Variants in TTBK1 observed in about 807,000 individuals in gnomAD.
The protein encoded by TTBK1 is tau tubulin kinase 1, also known as tau-tubulin kinase 1.
In TTBK1, 34 loss-of-function variants were observed where a neutral mutation model predicts 108.5. That is an observed-to-expected ratio of 0.31 (90% CI 0.24 to 0.42). The LOEUF (loss-of-function observed/expected upper bound fraction) is 0.42. TTBK1 is among the 10% of genes least tolerant of loss of function. TTBK1 has a pLI of 1.00. For missense variants in TTBK1, 1,539 were observed against 1,826.0 expected (o/e 0.84, Z 2.86); for synonymous variants, 809 against 795.1 (o/e 1.02, Z -0.29).
intron 9 of TTBK1, among the ~76,000 whole-genome samples, 159 bp downstream of exon 9, chr6:43,256,015 A>G (rs2150688478): frequency 6.6e-6 from 1 of 152,248 alleles, no homozygotes; most frequent in Non-Finnish European, 1.5e-5. Flanking sequence ...TGCTCTTGTA[A>G]ACTAGTCACA....
At chr6:43,279,364 G>A (rs1464448550) in intron 13 of TTBK1, among the ~76,000 whole-genome samples, 11 of 152,226 alleles carry the variant, frequency 7.2e-5, no homozygotes, top group Admixed American at 7.2e-4. Context: ...AATAGGTAAA[G>A]GTTCTGAGGA....
rs1777418884 is a variant in TTBK1 at position 43,257,801 on chromosome 6, AC to A, written c.862-6del. ...ACCTCTCTGTCCTCCCATCACCCTC[AC>A]CCCCTGCAGTTGATCATGTCAGTGT... On this transcript the variant is annotated splice_polypyrimidine_tract_variant and intron_variant, in intron 9 of 14. Transcript: ENST00000259750. This position sits in a 1 kb window ranked among gnomAD's most constrained non-coding sequence, Gnocchi z 4.5. The A allele has an allele frequency of 6.2e-7, 1 of 1,609,232 alleles. No individual in the cohort carries two copies. Among genetic ancestry groups the A allele is most frequent in the South Asian group, 1.1e-5 (1 of 90,648 alleles).
Position 43,246,614 on chromosome 6 carries a change from G to T in TTBK1, c.-47G>T, listed in dbSNP as rs965154774. The T allele has an allele frequency of 1.0e-5, 15 of 1,487,378 alleles. No homozygotes were observed. Among genetic ancestry groups the T allele is most frequent in the Non-Finnish European group, 1.4e-5 (15 of 1,089,318 alleles). 92.1% of individuals were successfully genotyped at this position (1,487,378 alleles called of 1,614,324 possible). ...CCCTCCTCACTCCCCTAGGTAGATG[G>T]CCCCCTCAGGGCAGGCCCGGCGGAC... On this transcript the variant is annotated 5_prime_UTR_variant, in exon 2 of 15. Coordinates refer to ENST00000259750, the MANE Select transcript of TTBK1 (RefSeq NM_032538.3).
chr6:43,253,300 A>G lies in TTBK1; in HGVS notation c.266A>G (p.His89Arg). ...TGTCTGTGCCCCTCAGGGAAGGACC[A>G]TGTGTGCAGGTTCATTGGCTGTGGC... ...AVLKKLQGKDHVCRFIGCGRN... is the reference protein window; with the variant it reads ...AVLKKLQGKDRVCRFIGCGRN... Residue 89 changes from histidine (H) to arginine (R), a missense_variant, in exon 4 of 15, where the codon CAT becomes CGT. Transcript: ENST00000259750. The surrounding 1 kb of genome is among the most constrained non-coding windows in gnomAD (Gnocchi z 5.8). The G allele has an allele frequency of 6.2e-7, 1 of 1,614,144 alleles. No homozygotes were observed. Among genetic ancestry groups the G allele is most frequent in the Non-Finnish European group, 8.5e-7 (1 of 1,180,010 alleles).
rs536324355 is a variant in TTBK1 at position 43,282,741 on chromosome 6, G to T, written c.2001G>T (p.Ala667=). Residue 667 remains alanine (A), a synonymous_variant, in exon 14 of 15, where the codon GCG becomes GCT. Coordinates refer to ENST00000259750, the MANE Select transcript of TTBK1 (RefSeq NM_032538.3). This position sits in a 1 kb window ranked among gnomAD's most constrained non-coding sequence, Gnocchi z 5.4. ...GCCCCTTGCAGGTGTTCTCCGTGGC[G>T]CCCCCATTTGAGGTGAATGGCCTCC... ...TGPQRQVFSV[A]PPFEVNGLPR... 1.2e-6 allele frequency: 2 copies of T among 1,604,426 alleles called. No homozygotes were observed. The highest frequency in any genetic ancestry group is 2.2e-5 in the East Asian group (1 of 44,796).
In TTBK1 at chr6:43,285,280, G is replaced by C. The variant is rs923612889; in HGVS notation, c.3870G>C (p.Gly1290=). 30 of 1,292,376 alleles carry C rather than the reference G, an allele frequency of 2.3e-5. No individual in the cohort carries two copies. Among genetic ancestry groups the C allele is most frequent in the Admixed American group, 4.2e-5 (1 of 23,810 alleles). 80.1% of individuals were successfully genotyped at this position (1,292,376 alleles called of 1,614,324 possible). Residue 1290 remains glycine (G), a synonymous_variant, in exon 15 of 15, where the codon GGG becomes GGC. Transcript: ENST00000259750. This position sits in a 1 kb window ranked among gnomAD's most constrained non-coding sequence, Gnocchi z 4.7. ...RAQPDGTPSP[G]GSKKGPRGKL... ...AGCCTGATGGCACCCCCTCCCCCGG[G>C]GGCTCCAAGAAAGGACCCAGAGGGA...
At chr6:43,254,131 A>C (rs975642258) in intron 5 of TTBK1, among the ~76,000 whole-genome samples, 4 of 152,198 alleles carry the variant, frequency 2.6e-5, no homozygotes, top group Admixed American at 2.6e-4. Flanking sequence ...CTCCAACTTA[A>C]AGAGATGAAA....
In TTBK1 at chr6:43,257,983, C is replaced by T. The variant is rs201398491; in HGVS notation, c.1016+17C>T. The stretch of plus-strand genomic sequence containing the variant: ...CATGTTTGGGTGAGTCTCAGGAAGG[C>T]GAGCCACCAGCCCCTGCCTGGAGCT... On this transcript the variant is annotated intron_variant, in intron 10 of 14. Transcript: ENST00000259750. The surrounding 1 kb of genome is among the most constrained non-coding windows in gnomAD (Gnocchi z 4.5). 14 of 1,607,040 alleles carry T rather than the reference C, an allele frequency of 8.7e-6. No individual in the cohort carries two copies. The highest frequency in any genetic ancestry group is 3.3e-5 in the Admixed American group (2 of 59,782).
At position 43,257,669 on chromosome 6, in the gene TTBK1, C is replaced by T. The variant is rs1362263854; in HGVS notation, c.862-143C>T. ...ATGTTTTCATTTAAAATCAATGTGC[C>T]GTTCTCCTTCCAATGCCCCCTCCAG... On this transcript the variant is annotated intron_variant, in intron 9 of 14. Coordinates refer to ENST00000259750, the MANE Select transcript of TTBK1 (RefSeq NM_032538.3). This position sits in a 1 kb window ranked among gnomAD's most constrained non-coding sequence, Gnocchi z 4.5. 7.1e-6 allele frequency: 5 copies of T among 703,056 alleles called. No homozygotes were observed. In the Admixed American group the frequency reaches 8.0e-5, roughly 11 times the overall value. The allele number at this position is 703,056 out of a possible 1,614,324, so 43.6% of individuals were successfully genotyped here. A position where few individuals can be genotyped will look rare whatever the true frequency, so the allele number is the denominator to read the frequency against.
chr6:43,271,428 G>A (rs2756185), intron 13 of TTBK1: 78,577 of 985,340 alleles, frequency 0.08, 3,437 homozygotes, highest in East Asian at 0.19. Flanking sequence ...TGCTGTATGA[G>A]TGTGTGTATG....
chr6:43,269,496 T>C lies in TTBK1; in HGVS notation c.1986+6146T>C, dbSNP rs973769086. 3 of 857,154 alleles carry C rather than the reference T, an allele frequency of 3.5e-6. No homozygotes were observed. In the African/African-American group the frequency reaches 5.3e-5, roughly 15 times the overall value. The allele number at this position is 857,154 out of a possible 1,614,324, so 53.1% of individuals were successfully genotyped here. A position where few individuals can be genotyped will look rare whatever the true frequency, so the allele number is the denominator to read the frequency against. ...AGGCAGGACCTTGGGGCGGGTGGTT[T>C]GCACCCTCCTCCACCCTGCCTGACC... On this transcript the variant is annotated intron_variant, in intron 13 of 14. Transcript: ENST00000259750. This position sits in a 1 kb window ranked among gnomAD's most constrained non-coding sequence, Gnocchi z 4.8.
rs1778227468 is a variant in TTBK1, at chr6:43,283,053, G to C, written c.2313G>C (p.Glu771Asp). 1 of 1,588,628 alleles carries C rather than the reference G, an allele frequency of 6.3e-7. No homozygotes were observed. The highest frequency in any genetic ancestry group is 1.8e-5 in the Admixed American group (1 of 55,334). ...EEEEEEEEEE[E>D]AAAAVALGEV... ...AGGAGGAGGAGGAAGAGGAGGAGGA[G>C]GCTGCAGCGGCAGTTGCCTTGGGGG... is the stretch of plus-strand genomic sequence containing the variant. Residue 771 changes from glutamate to aspartate, a missense_variant, in exon 14 of 15, where the codon GAG becomes GAC. By Grantham distance (45) the Glu-to-Asp change is conservative. Transcript: ENST00000259750. This position sits in a 1 kb window ranked among gnomAD's most constrained non-coding sequence, Gnocchi z 8.1.
rs902303755 is a variant in TTBK1, at chr6:43,269,167, G to C, written c.1986+5817G>C. On this transcript the variant is annotated intron_variant, in intron 13 of 14. Transcript: ENST00000259750. The surrounding 1 kb of genome is among the most constrained non-coding windows in gnomAD (Gnocchi z 4.8). The stretch of plus-strand genomic sequence containing the variant: ...AACACCTCCCTGTGATGGGGCGGGG[G>C]TGCCAAGGCGGAGGGTGTACAGGGA... Among the ~76,000 whole-genome samples the C allele has an allele frequency of 6.6e-6, 1 of 152,258 alleles. No homozygotes were observed. The highest frequency in any genetic ancestry group is 1.5e-5 in the Non-Finnish European group (1 of 68,050).
rs1778363146 is a variant in TTBK1 at position 43,285,742 on chromosome 6, A to T, written c.*366A>T. The T allele has an allele frequency of 1.2e-5, 2 of 169,954 alleles. No individual in the cohort carries two copies. Among genetic ancestry groups the T allele is most frequent in the African/African-American group, 2.4e-5 (1 of 42,130 alleles). 10.5% of individuals were successfully genotyped at this position (169,954 alleles called of 1,614,324 possible). A position where few individuals can be genotyped will look rare whatever the true frequency, so the allele number is the denominator to read the frequency against. On this transcript the variant is annotated 3_prime_UTR_variant, in exon 15 of 15. Coordinates refer to ENST00000259750, the MANE Select transcript of TTBK1 (RefSeq NM_032538.3). This position sits in a 1 kb window ranked among gnomAD's most constrained non-coding sequence, Gnocchi z 4.7. ...CTGGGGACGCCTGGTTCGTTCGCCC[A>T]CCAGGCCTAGGCTACGCTCCATGCT...
rs1217412595 is a variant in TTBK1 at position 43,276,408 on chromosome 6, C to G, written c.1987-6319C>G. On this transcript the variant is annotated intron_variant, in intron 13 of 14. Transcript: ENST00000259750. This position sits in a 1 kb window ranked among gnomAD's most constrained non-coding sequence, Gnocchi z 5.4. ...CCGGGTAGAAAAGCATGCACTGAGC[C>G]CCCTGCCCCTAGACTGCGAGTACTG... is the stretch of plus-strand genomic sequence containing the variant. Among the ~76,000 whole-genome samples the G allele has an allele frequency of 2.6e-5, 4 of 152,140 alleles. 1 individual carries two copies. The highest frequency in any genetic ancestry group is 6.5e-5 in the Admixed American group (1 of 15,280).
chr6:43,283,053 G>A lies in TTBK1; in HGVS notation c.2313G>A (p.Glu771=). 2 of 1,588,746 alleles carry A rather than the reference G, an allele frequency of 1.3e-6. No homozygotes were observed. The highest frequency in any genetic ancestry group is 1.7e-6 in the Non-Finnish European group (2 of 1,167,654). Residue 771 remains glutamate, a synonymous_variant, in exon 14 of 15, where the codon GAG becomes GAA. Transcript: ENST00000259750. This position sits in a 1 kb window ranked among gnomAD's most constrained non-coding sequence, Gnocchi z 8.1. ...AGGAGGAGGAGGAAGAGGAGGAGGAGGCTGCAGCGGCAGTTGCCTTGGGGG... is the reference window on the plus strand; with the variant it reads ...AGGAGGAGGAGGAAGAGGAGGAGGAAGCTGCAGCGGCAGTTGCCTTGGGGG... The part of the protein sequence containing the change: ...EEEEEEEEEE[E]AAAAVALGEV...
In TTBK1 at chr6:43,263,216, C is replaced by T; in HGVS notation, c.1852C>T (p.Pro618Ser). 1 of 1,578,880 alleles carries T rather than the reference C, an allele frequency of 6.3e-7. No individual in the cohort carries two copies. Reference protein sequence around the residue: ...LQHLPPQPLPPQLSQGDGRSE... With the variant: ...LQHLPPQPLPSQLSQGDGRSE... ...GCATTTGCCGCCCCAGCCCCTGCCACCCCAGCTGAGCCAGGGCGATGGCCG... is the reference window on the plus strand; with the variant it reads ...GCATTTGCCGCCCCAGCCCCTGCCATCCCAGCTGAGCCAGGGCGATGGCCG... The change falls in exon 13 of 15, where the codon CCC becomes TCC. Residue 618 changes from proline to serine, a missense_variant. Physicochemically the swap from Pro to Ser is moderately conservative, Grantham distance 74. Transcript: ENST00000259750. This position sits in a 1 kb window ranked among gnomAD's most constrained non-coding sequence, Gnocchi z 4.7.
In TTBK1 at chr6:43,284,035, GGCC is replaced by G. The variant is rs1778278434; in HGVS notation, c.3299_3301del (p.Arg1100del). 1 of 1,559,018 alleles carries G rather than the reference GGCC, an allele frequency of 6.4e-7. No homozygotes were observed. The highest frequency in any genetic ancestry group is 1.4e-5 in the African/African-American group (1 of 73,548). On this transcript the variant is annotated inframe_deletion, in exon 14 of 15. Transcript: ENST00000259750. ...GCGGCTGGTGATGGAGAAGAGGCAG[GGCC>G]GCCTGCTGTTGCGGCTGGCCTCAGG...
At chr6:43,284,348 G>A in intron 14 of TTBK1, 36 bp downstream of exon 14, 1 of 1,520,214 alleles carries the variant, frequency 6.6e-7, no homozygotes, top group Non-Finnish European at 8.8e-7. Flanking sequence ...GTGGGCAGAG[G>A]GTGGCCACAG....
Sources: allele counts gnomAD v4.1 joint callset (sites outside exome capture counted in the v4.1 genomes callset), GRCh38; gene constraint gnomAD v4.1.1; non-coding constraint Gnocchi (gnomAD v3.1); transcripts MANE v1.5; gene names NCBI Gene and HGNC (gene_info 2026-07-23, HGNC 2026-07-21).